Variants in LRRC7 observed in about 807,000 individuals in gnomAD.
LRRC7 encodes leucine-rich repeat-containing protein 7.
LRRC7 carries 23 observed loss-of-function variants against 175.7 expected under a neutral mutation model. That is an observed-to-expected ratio of 0.13 (90% CI 0.09 to 0.19). The LOEUF (loss-of-function observed/expected upper bound fraction) is 0.19, where lower values mean the gene tolerates loss of function less well. Ranked by LOEUF, LRRC7 falls within the 10% of genes least tolerant of loss-of-function variation. LRRC7 has a pLI of 1.00. For synonymous variants in LRRC7, 685 were observed against 680.9 expected, an observed-to-expected ratio of 1.01 and a Z score of -0.09; for missense variants, 1,354 against 1,904.7, an observed-to-expected ratio of 0.71 and a Z score of 5.38.
chr1:70,072,719 A>G (rs1571241511), intron 23 of LRRC7, among the ~76,000 whole-genome samples: 1 of 152,242 alleles, frequency 6.6e-6, no homozygotes, highest in African/African-American at 2.4e-5. Context: ...ATAGATTACT[A>G]AATACAAAAG....
At chr1:69,832,807 A>G (rs1680673346) in intron 5 of LRRC7, among the ~76,000 whole-genome samples, 1 of 152,104 alleles carries the variant, frequency 6.6e-6, no homozygotes, top group Non-Finnish European at 1.5e-5. Context: ...AAAATGAAAA[A>G]CTAGAAACAA....
At chr1:69,799,101 AG>A (rs1398809651) in intron 4 of LRRC7, among the ~76,000 whole-genome samples, 1 of 97,806 alleles carries the variant, frequency 1.0e-5, no homozygotes, top group Non-Finnish European at 1.9e-5. Flanking sequence ...TCTGAATGCT[AG>A]TTTTTTTTTT....
chr1:69,582,585 C>T (rs909493402), intron 1 of LRRC7, among the ~76,000 whole-genome samples: 1 of 152,228 alleles, frequency 6.6e-6, no homozygotes, highest in Admixed American at 6.5e-5. Context: ...GGCAAGGGAA[C>T]AAATGGTTAA....
At chr1:69,871,752 C>A (rs1430695699) in intron 7 of LRRC7, among the ~76,000 whole-genome samples, 3 of 151,914 alleles carry the variant, frequency 2.0e-5, no homozygotes, top group Non-Finnish European at 2.9e-5. Flanking sequence ...CAACTTATAG[C>A]AAAATCCATG....
chr1:69,674,077 A>G (rs12121402), intron 1 of LRRC7, among the ~76,000 whole-genome samples: 31,968 of 152,138 alleles, frequency 0.21, 3,520 homozygotes, highest in South Asian at 0.29. Flanking sequence ...GCATGATCAC[A>G]GCTCACTGCA....
chr1:69,710,278 C>CAAAAAAA (rs77553066), intron 2 of LRRC7, among the ~76,000 whole-genome samples: 7 of 87,076 alleles, frequency 8.0e-5, no homozygotes, highest in East Asian at 3.7e-4. Flanking sequence ...GACTCCGTCT[C>CAAAAAAA]AAAAAAAAAA....
intron 7 of LRRC7, among the ~76,000 whole-genome samples, chr1:69,886,988 C>A (rs1160545186): frequency 6.6e-6 from 1 of 151,846 alleles, no homozygotes; most frequent in Non-Finnish European, 1.5e-5. Flanking sequence ...GAGAGATCCG[C>A]TGTTAGTCTG....
intron 1 of LRRC7, among the ~76,000 whole-genome samples, chr1:69,585,691 A>G (rs1646376567): frequency 1.3e-5 from 2 of 152,242 alleles, no homozygotes; most frequent in South Asian, 4.1e-4. Context: ...GCAGATGTCA[A>G]GAATAAGTTG....
chr1:69,968,920 A>C (rs1456569088), intron 8 of LRRC7, among the ~76,000 whole-genome samples: 2 of 151,794 alleles, frequency 1.3e-5, no homozygotes, highest in Non-Finnish European at 2.9e-5. Context: ...CCAGGTTCAC[A>C]CCATTCTCTT....
intron 1 of LRRC7, among the ~76,000 whole-genome samples, chr1:69,662,833 G>T (rs997425152): frequency 4.6e-5 from 7 of 152,166 alleles, no homozygotes; most frequent in African/African-American, 1.4e-4. Context: ...TCTGGGGTTT[G>T]GTTCACTGTG....
chr1:69,635,196 T>C (rs1220984107), intron 1 of LRRC7, among the ~76,000 whole-genome samples: 1 of 152,090 alleles, frequency 6.6e-6, no homozygotes, highest in African/African-American at 2.4e-5. Context: ...TCTGTTCCTG[T>C]GTTCATTTGC....
At chr1:69,897,673 A>G (rs1174792110) in intron 7 of LRRC7, among the ~76,000 whole-genome samples, 7 of 151,600 alleles carry the variant, frequency 4.6e-5, no homozygotes, top group Non-Finnish European at 7.4e-5. Flanking sequence ...GGGACAGCAA[A>G]GGTTTATAAA....
At chr1:70,005,242 G>T (rs569097985) in intron 11 of LRRC7, among the ~76,000 whole-genome samples, 2 of 152,058 alleles carry the variant, frequency 1.3e-5, no homozygotes, top group African/African-American at 4.8e-5. Context: ...TGGAGCCCAC[G>T]CCTGTCTCAA....
At chr1:69,844,144 A>G (rs1276992012) in intron 7 of LRRC7, among the ~76,000 whole-genome samples, 6 of 152,158 alleles carry the variant, frequency 3.9e-5, no homozygotes, top group Non-Finnish European at 7.4e-5. Context: ...TCAACAAAAA[A>G]GTCACTTTAT....
At chr1:69,774,890 A>G (rs1167607233) in intron 3 of LRRC7, among the ~76,000 whole-genome samples, 1 of 150,078 alleles carries the variant, frequency 6.7e-6, no homozygotes, top group Non-Finnish European at 1.5e-5. Flanking sequence ...ACAAAGAAAT[A>G]CACGCACATC....
chr1:69,838,613 T>C (rs1557793610), intron 7 of LRRC7, among the ~76,000 whole-genome samples: 1 of 151,936 alleles, frequency 6.6e-6, no homozygotes, highest in Admixed American at 6.6e-5. Flanking sequence ...AGGTTCAACC[T>C]AATAGGATGC....
At chr1:70,106,889 A>G (rs565894930) in intron 25 of LRRC7, among the ~76,000 whole-genome samples, 103 of 152,372 alleles carry the variant, frequency 6.8e-4, no homozygotes, top group African/African-American at 2.3e-3. Flanking sequence ...GGAAGAACCT[A>G]ACACACAAAT....
chr1:70,078,283 A>G (rs924098308), intron 24 of LRRC7, among the ~76,000 whole-genome samples: 2 of 152,328 alleles, frequency 1.3e-5, no homozygotes, highest in South Asian at 4.1e-4. Context: ...TCCCCAAACT[A>G]TGTTACCTGT....
chr1:69,898,661 C>CGCTGCTGCT lies in LRRC7; in HGVS notation c.648-32846_648-32845insGCTGCTGCT, dbSNP rs1557864684. Reference sequence around the variant, plus strand: ...AGCTTGCAGTTTCTGTTGCTATCATCACTGCTGCTGCTGCTGCTGCTGCTG... The same window carrying CGCTGCTGCT: ...AGCTTGCAGTTTCTGTTGCTATCATCGCTGCTGCTACTGCTGCTGCTGCTGCTGCTGCTG... On this transcript the variant is annotated intron_variant, in intron 7 of 26. Transcript: ENST00000651989. 3.8e-3 allele frequency among the ~76,000 whole-genome samples: 480 copies of CGCTGCTGCT among 124,982 alleles called. 1 individual carries two copies. Among genetic ancestry groups the CGCTGCTGCT allele is most frequent in the African/African-American group, 0.012 (433 of 35,244 alleles). 82.0% of individuals were successfully genotyped at this position (124,982 alleles called of 152,430 possible). A position where few individuals can be genotyped will look rare whatever the true frequency, so the allele number is the denominator to read the frequency against.
Sources: allele counts gnomAD v4.1 joint callset (sites outside exome capture counted in the v4.1 genomes callset), GRCh38; gene constraint gnomAD v4.1.1; transcripts MANE v1.5; gene names NCBI Gene and HGNC (gene_info 2026-07-23, HGNC 2026-07-21).